ENOX2: variants seen among roughly 807,000 people sequenced by gnomAD.
The protein encoded by ENOX2 is ecto-NOX disulfide-thiol exchanger 2.
In ENOX2, 36 loss-of-function variants were observed where a neutral mutation model predicts 45.0. The ratio of observed to expected loss-of-function variants is 0.80; its 90% CI spans 0.61 to 1.06. ENOX2 has a LOEUF of 1.06. Ranked by LOEUF, ENOX2 falls within the 50% of genes least tolerant of loss-of-function variation. The pLI is 0.00. For synonymous variants in ENOX2, 174 were observed against 152.3 expected, an observed-to-expected ratio of 1.14 and a Z score of -1.05; for missense variants, 423 against 462.5, an observed-to-expected ratio of 0.91 and a Z score of 0.78.
rs186911390 is a variant in ENOX2, at chrX:130,742,352, T to C, written c.-38-39098A>G. On this transcript the variant is annotated intron_variant, in intron 3 of 14. Coordinates refer to ENST00000394363, the MANE Select transcript of ENOX2 (RefSeq NM_006375.4). ...TATAAAAAAGATGGAGAAATGTAGATCAGACCAGATAATAACTTAGCTGGA... is the reference window on the plus strand; with the variant it reads ...TATAAAAAAGATGGAGAAATGTAGACCAGACCAGATAATAACTTAGCTGGA... Among the ~76,000 whole-genome samples the C allele has an allele frequency of 2.4e-3, 240 of 100,915 alleles. 1 individual carries two copies. Among genetic ancestry groups the C allele is most frequent in the African/African-American group, 8.2e-3 (220 of 26,893 alleles). The allele number at this position is 100,915 out of a possible 115,157, so 87.6% of individuals were successfully genotyped here.
intron 3 of ENOX2, among the ~76,000 whole-genome samples, chrX:130,737,870 GTTCAAAGGATAATGT>G (rs1346778346): frequency 8.9e-6 from 1 of 111,846 alleles, no homozygotes; most frequent in Non-Finnish European, 1.9e-5. Context: ...AACCAAGAAA[GTTCAAAGGATAATGT>G]TTCAAAGGTT....
intron 3 of ENOX2, among the ~76,000 whole-genome samples, chrX:130,776,912 T>C (rs765089390): frequency 1.2e-4 from 13 of 111,759 alleles, no homozygotes; most frequent in Non-Finnish European, 2.1e-4. Context: ...CTCTTTTCTG[T>C]CTTGAGAACA....
intron 2 of ENOX2, among the ~76,000 whole-genome samples, chrX:130,854,937 C>T (rs754229986): frequency 4.5e-5 from 5 of 111,039 alleles, no homozygotes; most frequent in Non-Finnish European, 7.6e-5. Context: ...AAAGCATCTA[C>T]AAAAAAAATC....
At chrX:130,790,795 CAATACAT>C (rs1302637503) in intron 2 of ENOX2, among the ~76,000 whole-genome samples, 3 of 112,224 alleles carry the variant, frequency 2.7e-5, no homozygotes, top group African/African-American at 9.7e-5. Flanking sequence ...CTACCCAAAC[CAATACAT>C]ACACAGCAAC....
intron 3 of ENOX2, among the ~76,000 whole-genome samples, chrX:130,723,586 T>G (rs1216490457): frequency 1.8e-5 from 2 of 112,611 alleles, no homozygotes; most frequent in Non-Finnish European, 3.7e-5. Flanking sequence ...AGCAATGATC[T>G]GTTCTGCATC....
chrX:130,809,774 CGTGT>C (rs930291310), intron 2 of ENOX2, among the ~76,000 whole-genome samples: 1 of 109,268 alleles, frequency 9.2e-6, no homozygotes, highest in Non-Finnish European at 1.9e-5. Flanking sequence ...TGTGCATGTG[CGTGT>C]GTGTATCTGC....
chrX:130,682,678 CTAAG>C (rs2037343129), intron 5 of ENOX2, among the ~76,000 whole-genome samples: 1 of 97,030 alleles, frequency 1.0e-5, no homozygotes, highest in East Asian at 3.5e-4. Flanking sequence ...TGACTGTTTT[CTAAG>C]TAAAAGGGCA....
intron 5 of ENOX2, among the ~76,000 whole-genome samples, chrX:130,683,209 A>G (rs1393715319): frequency 1.8e-5 from 2 of 112,162 alleles, no homozygotes; most frequent in Non-Finnish European, 3.8e-5. Context: ...GAAGCAGTAT[A>G]GAGAACCGAT....
At chrX:130,702,438 T>A (rs1326108475) in intron 4 of ENOX2, among the ~76,000 whole-genome samples, 1 of 111,626 alleles carries the variant, frequency 9.0e-6, no homozygotes, top group Non-Finnish European at 1.9e-5. Context: ...TTAGGCTGTT[T>A]AAAAAGCTGC....
At chrX:130,823,853 G>A (rs1327689659) in intron 2 of ENOX2, among the ~76,000 whole-genome samples, 1 of 111,748 alleles carries the variant, frequency 8.9e-6, no homozygotes, top group East Asian at 2.8e-4. Flanking sequence ...ACACTCAAGG[G>A]TTGAAAGAGA....
chrX:130,723,757 C>T (rs2038537794), intron 3 of ENOX2, among the ~76,000 whole-genome samples: 2 of 111,596 alleles, frequency 1.8e-5, no homozygotes, highest in Admixed American at 9.5e-5. Flanking sequence ...TTTTCCACTC[C>T]GGATGTTCTC....
intron 10 of ENOX2, among the ~76,000 whole-genome samples, chrX:130,655,270 T>C (rs910715449): frequency 8.9e-6 from 1 of 111,997 alleles, no homozygotes; most frequent in Admixed American, 9.5e-5. Flanking sequence ...ATGTTTAGGG[T>C]TCAAACATAT....
chrX:130,701,088 G>T (rs1320485782), intron 4 of ENOX2, among the ~76,000 whole-genome samples: 1 of 111,731 alleles, frequency 9.0e-6, no homozygotes, highest in Non-Finnish European at 1.9e-5. Flanking sequence ...TAGATGGATG[G>T]CTAAGTATTG....
intron 3 of ENOX2, among the ~76,000 whole-genome samples, chrX:130,742,234 C>T (rs776149096): frequency 2.5e-5 from 2 of 80,968 alleles, no homozygotes; most frequent in Admixed American, 3.1e-4. Context: ...TGGTTTGGTA[C>T]AGATAATTTC....
intron 3 of ENOX2, among the ~76,000 whole-genome samples, chrX:130,779,648 C>G (rs1309899852): frequency 9.0e-6 from 1 of 111,325 alleles, no homozygotes; most frequent in Non-Finnish European, 1.9e-5. Context: ...AAGCTCTATC[C>G]TGAAAATAAC....
chrX:130,685,809 G>A (rs2037434121), intron 5 of ENOX2, among the ~76,000 whole-genome samples: 1 of 111,692 alleles, frequency 9.0e-6, no homozygotes, highest in Non-Finnish European at 1.9e-5. Flanking sequence ...TGGCAGGTAT[G>A]TGGCAAGTAG....
At chrX:130,895,371 A>G in intron 2 of ENOX2, among the ~76,000 whole-genome samples, 1 of 111,792 alleles carries the variant, frequency 8.9e-6, no homozygotes, top group Admixed American at 9.5e-5. Flanking sequence ...ATTGTGGGGC[A>G]GTTTCTATCC....
Position 130,689,015 on chromosome X carries a change from A to G in ENOX2, c.101T>C (p.Phe34Ser). The G allele has an allele frequency of 1.7e-6, 2 of 1,201,904 alleles. No individual in the cohort carries two copies. The highest frequency in any genetic ancestry group is 2.3e-6 in the Non-Finnish European group (2 of 888,515). Residue 34 changes from phenylalanine to serine, a missense_variant, in exon 5 of 15, where the codon TTT (phenylalanine) becomes TCT (serine). By Grantham distance (155) the Phe-to-Ser change is radical. This residue lies in a region of ENOX2 where 261 missense variants were observed against 306.8 expected (regional missense o/e 0.85). Transcript: ENST00000394363. The stretch of plus-strand genomic sequence containing the variant: ...AGTCATCATTCCAAGAGCAGGATCA[A>G]AGTCTAAAAAAGGAGAAGAGAGAAC... ...GIAGQPILPD[F>S]DPALGMMTGI...
At chrX:130,734,227 T>G (rs1357814020) in intron 3 of ENOX2, among the ~76,000 whole-genome samples, 1 of 111,539 alleles carries the variant, frequency 9.0e-6, no homozygotes, top group Admixed American at 9.5e-5. Flanking sequence ...AGCTGAGAGG[T>G]GTGTCACAAT....
Sources: gnomAD v4.1 joint callset for allele counts (sites outside exome capture counted in the v4.1 genomes callset) on GRCh38, gnomAD v4.1.1 for gene constraint, gnomAD v4.1.1 regional missense constraint, MANE v1.5 for transcripts, NCBI Gene and HGNC (gene_info 2026-07-23, HGNC 2026-07-21) for gene names.